PCBP2: variants seen among roughly 807,000 people sequenced by gnomAD.
PCBP2 encodes the protein poly(rC) binding protein 2.
PCBP2 carries 4 observed loss-of-function variants against 50.1 expected under a neutral mutation model. The ratio of observed to expected loss-of-function variants is 0.08; its 90% CI spans 0.04 to 0.18. The LOEUF is 0.18. Ranked by LOEUF, PCBP2 falls within the 10% of genes least tolerant of loss-of-function variation. The pLI is 1.00. For missense variants in PCBP2, 161 were observed against 474.3 expected, an observed-to-expected ratio of 0.34 and a Z score of 6.14; for synonymous variants, 179 against 168.0, an observed-to-expected ratio of 1.07 and a Z score of -0.51.
intron 13 of PCBP2, 52 bp from the exon 14 acceptor site, chr12:53,471,586 C>A (rs1016351573): frequency 6.0e-6 from 9 of 1,510,200 alleles, no homozygotes; most frequent in South Asian, 1.3e-5. Flanking sequence ...GATTCTTAGA[C>A]CTAGCCATGC....
intron 7 of PCBP2, 30 bp from the exon 8 acceptor site, chr12:53,462,463 T>C (rs1206310023): frequency 1.9e-6 from 3 of 1,589,374 alleles, no homozygotes; most frequent in South Asian, 1.1e-5. Flanking sequence ...TTATCTCTTT[T>C]TGTTTTTTTC....
rs575377746 is a variant in PCBP2 at position 53,474,034 on chromosome 12, T to G, written c.1052+2227T>G. ...CTTCCCAAATATATGTAGTTCTGGC[T>G]TAGACACATACAGGCATTTGGGAGA... On this transcript the variant is annotated intron_variant, in intron 14 of 14. Transcript: ENST00000546463. Among the ~76,000 whole-genome samples the G allele has an allele frequency of 5.3e-5, 8 of 152,362 alleles. No homozygotes were observed. The East Asian group carries it at 1.5e-3, about 29-fold the overall frequency.
At chr12:53,455,858 T>C (rs1940972913) in intron 4 of PCBP2, 27 bp from the exon 5 acceptor site, 1 of 1,467,296 alleles carries the variant, frequency 6.8e-7, no homozygotes, top group South Asian at 1.1e-5. Flanking sequence ...TTGTTTTAAC[T>C]TCTTTTGGAT....
intron 14 of PCBP2, 32 bp downstream of exon 14, chr12:53,471,839 G>T: frequency 1.9e-6 from 3 of 1,591,814 alleles, no homozygotes; most frequent in Non-Finnish European, 2.6e-6. Context: ...TCTTATTTAT[G>T]CCAACACAGT....
chr12:53,455,799 T>C (rs988820652), intron 4 of PCBP2, 86 bp from the exon 5 acceptor site: 10 of 880,382 alleles, frequency 1.1e-5, no homozygotes, highest in East Asian at 2.4e-5. Flanking sequence ...ATCATGTACA[T>C]TGGCAGTCTT....
At chr12:53,473,318 T>C (rs896194198) in intron 14 of PCBP2, among the ~76,000 whole-genome samples, 2 of 151,662 alleles carry the variant, frequency 1.3e-5, no homozygotes, top group Non-Finnish European at 2.9e-5. Context: ...CTTTTGACCT[T>C]GTCATCCACC....
intron 1 of PCBP2, 98 bp downstream of exon 1, chr12:53,452,474 C>G (rs1305115298): frequency 1.3e-5 from 2 of 151,340 alleles, no homozygotes; most frequent in African/African-American, 4.9e-5. Context: ...GAGCCGCGGT[C>G]TCGCGTAGTC....
chr12:53,475,992 C>T (rs755116525), intron 14 of PCBP2: 1 of 152,190 alleles, frequency 6.6e-6, no homozygotes, highest in Non-Finnish European at 1.5e-5. Context: ...GAACATACTT[C>T]TTTACCCAGA....
chr12:53,468,598 A>G (rs566579128), intron 12 of PCBP2, 179 bp from the exon 13 acceptor site: 3 of 599,934 alleles, frequency 5.0e-6, no homozygotes, highest in African/African-American at 1.9e-5. Flanking sequence ...CCTTTCGAGC[A>G]TTATTTCTAC....
chr12:53,479,903 T>TG lies in PCBP2; in HGVS notation c.*464dup, dbSNP rs1321398484. The TG allele has an allele frequency of 6.6e-6, 1 of 152,606 alleles. No individual in the cohort carries two copies. The highest frequency in any genetic ancestry group is 2.4e-5 in the African/African-American group (1 of 41,426). The allele number at this position is 152,606 out of a possible 1,614,324, so 9.5% of individuals were successfully genotyped here. The stretch of plus-strand genomic sequence containing the variant: ...CTTTTATCCCTCAAAGGACCCTTCT[T>TG]GGGTTTTGAATGGAAGCCTTTATTC... On this transcript the variant is annotated 3_prime_UTR_variant, in exon 15 of 15. Coordinates refer to ENST00000546463, the MANE Select transcript of PCBP2 (RefSeq NM_031989.5).
At chr12:53,466,349 G>A (rs1366936071) in intron 10 of PCBP2, among the ~76,000 whole-genome samples, 1 of 152,174 alleles carries the variant, frequency 6.6e-6, no homozygotes, top group African/African-American at 2.4e-5. Context: ...GTAATGGGAG[G>A]TTGGGTTTGC....
intron 14 of PCBP2, among the ~76,000 whole-genome samples, chr12:53,478,762 C>T (rs1942838213): frequency 6.6e-6 from 1 of 152,144 alleles, no homozygotes; most frequent in Non-Finnish European, 1.5e-5. Context: ...GGCAAGATCA[C>T]ATCACTGTAC....
rs1336019225 is a variant in PCBP2 at position 53,471,901 on chromosome 12, C to T, written c.1052+94C>T. The stretch of plus-strand genomic sequence containing the variant: ...TGTATTAAATATGGGATTACATGGG[C>T]GATGGGTAAAGATGGCCAAAAGGTT... On this transcript the variant is annotated intron_variant, in intron 14 of 14. Coordinates refer to ENST00000546463, the MANE Select transcript of PCBP2 (RefSeq NM_031989.5). 12 of 952,390 alleles carry T rather than the reference C, an allele frequency of 1.3e-5. No individual in the cohort carries two copies. In the East Asian group the frequency reaches 1.9e-4, roughly 15 times the overall value. The allele number at this position is 952,390 out of a possible 1,614,324, so 59.0% of individuals were successfully genotyped here.
intron 11 of PCBP2, 83 bp from the exon 12 acceptor site, chr12:53,467,722 T>G (rs1322860392): frequency 2.8e-6 from 3 of 1,082,758 alleles, no homozygotes; most frequent in East Asian, 2.4e-5. Flanking sequence ...GTTTCGTTTT[T>G]GGGGCTTTTC....
intron 13 of PCBP2, among the ~76,000 whole-genome samples, chr12:53,469,182 C>G (rs529218966): frequency 1.3e-5 from 2 of 152,000 alleles, no homozygotes; most frequent in East Asian, 3.9e-4. Flanking sequence ...GATTACAGGT[C>G]TGAGTCACCG....
chr12:53,459,720 T>C (rs1019625640), intron 6 of PCBP2: 3 of 276,888 alleles, frequency 1.1e-5, no homozygotes, highest in Non-Finnish European at 2.2e-5. Flanking sequence ...ATGAGTTTGC[T>C]ATAGTAGCAA....
intron 6 of PCBP2, chr12:53,460,725 A>G: frequency 3.5e-6 from 1 of 287,340 alleles, no homozygotes; most frequent in Non-Finnish European, 6.8e-6. Flanking sequence ...CGCCCAGAGA[A>G]CTATCATTAG....
chr12:53,474,992 C>T (rs888732716), intron 14 of PCBP2: 6 of 456,608 alleles, frequency 1.3e-5, no homozygotes, highest in Non-Finnish European at 2.2e-5. Context: ...CCCCCTCGCT[C>T]GCCACAGCGG....
chr12:53,459,845 G>C (rs1941320970), intron 6 of PCBP2: 2 of 453,334 alleles, frequency 4.4e-6, no homozygotes, highest in Non-Finnish European at 4.4e-6. Flanking sequence ...GCAAAACATC[G>C]ACCTTCCCAG....
Sources: allele counts gnomAD v4.1 joint callset (sites outside exome capture counted in the v4.1 genomes callset), GRCh38; gene constraint gnomAD v4.1.1; transcripts MANE v1.5; gene names NCBI Gene and HGNC (gene_info 2026-07-23, HGNC 2026-07-21).